The following TRPV6 variants were observed in gnomAD, a reference collection of about 807,000 sequenced individuals.
TRPV6 encodes the protein transient receptor potential cation channel subfamily V member 6.
In TRPV6, 39 loss-of-function variants were observed where a neutral mutation model predicts 79.0. The observed-to-expected ratio is 0.49, with a 90% CI of 0.38 to 0.64. The LOEUF (loss-of-function observed/expected upper bound fraction) is 0.64. TRPV6 is among the 30% of genes least tolerant of loss of function. The pLI is 0.00. For missense variants in TRPV6, 813 were observed against 1,011.1 expected, an observed-to-expected ratio of 0.80 and a Z score of 2.66; for synonymous variants, 373 against 391.9, an observed-to-expected ratio of 0.95 and a Z score of 0.57.
chr7:142,878,269 C>G (rs4987648), intron 1 of TRPV6: 492,385 of 570,550 alleles, frequency 0.86, 218,259 homozygotes, highest in East Asian at 0.98. Context: ...TTCCTTCCCC[C>G]CTACCGGGTC....
intron 4 of TRPV6, 104 bp downstream of exon 4, chr7:142,877,038 T>C: frequency 4.0e-6 from 6 of 1,486,432 alleles, no homozygotes; most frequent in Non-Finnish European, 5.4e-6. Flanking sequence ...TCCTCCCAGC[T>C]GCCCAACAGA....
chr7:142,877,487 A>C, intron 3 of TRPV6, 164 bp downstream of exon 3: 2 of 1,443,428 alleles, frequency 1.4e-6, no homozygotes, highest in Non-Finnish European at 1.9e-6. Context: ...CAGGCGTTCT[A>C]GTGATGGGCA....
At chr7:142,880,878 A>T (rs1795178775) in intron 1 of TRPV6, 2 of 152,136 alleles carry the variant, frequency 1.3e-5, no homozygotes, top group Admixed American at 1.3e-4. Flanking sequence ...CTCAAATTTA[A>T]ATTGAACTGA....
rs189078138 is a variant in TRPV6, at chr7:142,885,559, G to A, written c.78C>T (p.Val26=). ...CCTTGGGGGCCTGAGGCCGAGGCCA[G>A]ACCCTGACGGGACTCAGCCTTGGGG... The change falls in exon 1 of 15, where the codon GTC becomes GTT. Residue 26 remains valine (V), a synonymous_variant. Coordinates refer to ENST00000359396, the MANE Select transcript of TRPV6 (RefSeq NM_018646.6). The A allele has an allele frequency of 2.5e-4, 395 of 1,562,288 alleles. No homozygotes were observed. The highest frequency in any genetic ancestry group is 3.6e-4 in the Middle Eastern group (2 of 5,596).
chr7:142,872,007 A>G lies in TRPV6; in HGVS notation c.2016-18T>C. The stretch of plus-strand genomic sequence containing the variant: ...CTTCCACCCTGTGGAATGCGGGAGG[A>G]CTTGAGACACAGCCAGGACTTGAAG... On this transcript the variant is annotated intron_variant, in intron 14 of 14. Coordinates refer to ENST00000359396, the MANE Select transcript of TRPV6 (RefSeq NM_018646.6). 6.4e-7 allele frequency: 1 copy of G among 1,562,662 alleles called. No individual in the cohort carries two copies. The highest frequency in any genetic ancestry group is 8.7e-7 in the Non-Finnish European group (1 of 1,153,346).
At position 142,885,574 on chromosome 7, in the gene TRPV6, CA is replaced by C; in HGVS notation, c.62del (p.Leu21ArgfsTer31). 1.3e-6 allele frequency: 2 copies of C among 1,541,028 alleles called. No homozygotes were observed. The highest frequency in any genetic ancestry group is 4.6e-5 in the East Asian group (2 of 43,168). On this transcript the variant is annotated frameshift_variant, in exon 1 of 15. Coordinates refer to ENST00000359396, the MANE Select transcript of TRPV6 (RefSeq NM_018646.6). LOFTEE classifies it high-confidence loss of function. Reference sequence around the variant, plus strand: ...GCCGAGGCCAGACCCTGACGGGACTCAGCCTTGGGGCCACATCAGCCCCCCC... The same window carrying C: ...GCCGAGGCCAGACCCTGACGGGACTCGCCTTGGGGCCACATCAGCCCCCCC...
In TRPV6 at chr7:142,873,231, A is replaced by T. The variant is rs1307195000; in HGVS notation, c.1908+217T>A. Among the ~76,000 whole-genome samples the T allele has an allele frequency of 1.4e-5, 2 of 147,712 alleles. No homozygotes were observed. The highest frequency in any genetic ancestry group is 2.9e-5 in the Non-Finnish European group (2 of 67,942). On this transcript the variant is annotated intron_variant, in intron 13 of 14. Coordinates refer to ENST00000359396, the MANE Select transcript of TRPV6 (RefSeq NM_018646.6). The surrounding 1 kb of genome is among the most constrained non-coding windows in gnomAD (Gnocchi z 4.8). Reference sequence around the variant, plus strand: ...TCCTCTAGAAAACACTGAGCTTTTAACTGTTGAGAAAACTGTGAGGCATTC... The same window carrying T: ...TCCTCTAGAAAACACTGAGCTTTTATCTGTTGAGAAAACTGTGAGGCATTC...
chr7:142,879,398 A>G (rs1192630366), intron 1 of TRPV6: 1 of 152,184 alleles, frequency 6.6e-6, no homozygotes, highest in East Asian at 1.9e-4. Context: ...ACTTACCCCA[A>G]CTAAGACACA....
rs151152661 is a variant in TRPV6 at position 142,872,478 on chromosome 7, T to C, written c.1909A>G (p.Ile637Val). ...TCCAGCATCACTGTGGTGGCCACAA[T>C]CTGCGTATGGGAACAAAAGGAGAAG... is the stretch of plus-strand genomic sequence containing the variant. Residue 637 changes from isoleucine to valine, a missense_variant and splice_region_variant, in exon 14 of 15, where the codon ATT becomes GTT. Physicochemically the swap from Ile to Val is conservative, Grantham distance 29. Around this residue, in one of 3 missense-constraint regions of TRPV6, gnomAD observed 164 missense variants for 186.1 expected, o/e 0.88. Transcript: ENST00000359396. 2.4e-4 allele frequency: 381 copies of C among 1,612,322 alleles called. 3 individuals are homozygous for C. The African/African-American group carries it at 4.7e-3, about 20-fold the overall frequency.
intron 1 of TRPV6, chr7:142,880,745 G>A (rs1467900635): frequency 6.6e-6 from 1 of 152,202 alleles, no homozygotes; most frequent in African/African-American, 2.4e-5. Context: ...AGTTGCTAGA[G>A]TTACCAAATA....
intron 1 of TRPV6, chr7:142,883,072 T>C (rs1003745791): frequency 6.6e-6 from 1 of 152,148 alleles, no homozygotes; most frequent in Non-Finnish European, 1.5e-5. Flanking sequence ...TAAACTTTGG[T>C]CATAGGAATG....
Position 142,875,620 on chromosome 7 carries a change from A to G in TRPV6, c.1090T>C (p.Tyr364His). ...AGCATGCAGAAGTACGGCCGCCCGT[A>G]CCGCTTCCACTTGAGGCTCACCAGC... Residue 364 changes from tyrosine to histidine, a missense_variant, in exon 8 of 15, where the codon TAC becomes CAC. By Grantham distance (83) the Tyr-to-His change is moderately conservative. Coordinates refer to ENST00000359396, the MANE Select transcript of TRPV6 (RefSeq NM_018646.6). 6.2e-7 allele frequency: 1 copy of G among 1,613,742 alleles called. No individual in the cohort carries two copies. The highest frequency in any genetic ancestry group is 1.3e-5 in the African/African-American group (1 of 74,932).
In TRPV6 at chr7:142,872,492, CAAAAGG is replaced by C; in HGVS notation, c.1909-20_1909-15del. 1.2e-6 allele frequency: 2 copies of C among 1,608,182 alleles called. No homozygotes were observed. Among genetic ancestry groups the C allele is most frequent in the Non-Finnish European group, 1.7e-6 (2 of 1,177,172 alleles). ...GGTGGCCACAATCTGCGTATGGGAA[CAAAAGG>C]AGAAGTCAGAGATGAGGCTGGGCGC... On this transcript the variant is annotated splice_polypyrimidine_tract_variant and intron_variant, in intron 13 of 14. Transcript: ENST00000359396.
chr7:142,873,370 C>G lies in TRPV6; in HGVS notation c.1908+78G>C. Reference sequence around the variant, plus strand: ...CCAAACATAAGTGGGGTGGAGATATCCTGTCTCTCAGCTTGGCAGGTTCCT... The same window carrying G: ...CCAAACATAAGTGGGGTGGAGATATGCTGTCTCTCAGCTTGGCAGGTTCCT... On this transcript the variant is annotated intron_variant, in intron 13 of 14. Coordinates refer to ENST00000359396, the MANE Select transcript of TRPV6 (RefSeq NM_018646.6). The surrounding 1 kb of genome is among the most constrained non-coding windows in gnomAD (Gnocchi z 4.8). 1 of 1,570,874 alleles carries G rather than the reference C, an allele frequency of 6.4e-7. No homozygotes were observed. The highest frequency in any genetic ancestry group is 1.2e-5 in the South Asian group (1 of 86,652).
At chr7:142,874,838 G>T in intron 10 of TRPV6, 66 bp downstream of exon 10, 1 of 1,601,676 alleles carries the variant, frequency 6.2e-7, no homozygotes, top group Non-Finnish European at 8.6e-7. Context: ...GAGAGGTCAG[G>T]AATCCAAGGA....
rs1448870485 is a variant in TRPV6, at chr7:142,877,648, C to T, written c.469+3G>A. Reference sequence around the variant, plus strand: ...TCTTCACCCCAGACCCGTGGGCCCTCACCCTCATAGAGCTCAGATGTCATG... The same window carrying T: ...TCTTCACCCCAGACCCGTGGGCCCTTACCCTCATAGAGCTCAGATGTCATG... On this transcript the variant is annotated splice_donor_region_variant and intron_variant, in intron 3 of 14. Coordinates refer to ENST00000359396, the MANE Select transcript of TRPV6 (RefSeq NM_018646.6). The T allele has an allele frequency of 1.9e-6, 3 of 1,613,988 alleles. No homozygotes were observed. Among genetic ancestry groups the T allele is most frequent in the Non-Finnish European group, 2.5e-6 (3 of 1,179,934 alleles).
chr7:142,871,495 C>T lies in TRPV6; in HGVS notation c.*212G>A, dbSNP rs1191217927. 5.0e-6 allele frequency: 3 copies of T among 595,650 alleles called. No homozygotes were observed. Among genetic ancestry groups the T allele is most frequent in the Non-Finnish European group, 5.7e-6 (2 of 348,294 alleles). The allele number at this position is 595,650 out of a possible 1,614,324, so 36.9% of individuals were successfully genotyped here. A position where few individuals can be genotyped will look rare whatever the true frequency, so the allele number is the denominator to read the frequency against. ...AGAGTTCCTCACGCCCTGCCAGCCC[C>T]GTGCTTGGGCTGGGCTTCCTCTGCC... On this transcript the variant is annotated 3_prime_UTR_variant, in exon 15 of 15. Transcript: ENST00000359396.
chr7:142,875,537 G>A lies in TRPV6; in HGVS notation c.1173C>T (p.Pro391=). The change falls in exon 8 of 15, where the codon CCC becomes CCT. Residue 391 remains proline, a synonymous_variant. Coordinates refer to ENST00000359396, the MANE Select transcript of TRPV6 (RefSeq NM_018646.6). ...TGCGGTTATTGGTCCTGGGCTTGAGGGGGCGGTAGATGCAGCACATGGTGA... is the reference window on the plus strand; with the variant it reads ...TGCGGTTATTGGTCCTGGGCTTGAGAGGGCGGTAGATGCAGCACATGGTGA... 1.9e-6 allele frequency: 3 copies of A among 1,612,318 alleles called. No homozygotes were observed. The highest frequency in any genetic ancestry group is 2.5e-6 in the Non-Finnish European group (3 of 1,179,778).
At position 142,875,177 on chromosome 7, in the gene TRPV6, A is replaced by G; in HGVS notation, c.1243-13T>C. 2.5e-6 allele frequency: 4 copies of G among 1,613,782 alleles called. No homozygotes were observed. The South Asian group carries it at 3.3e-5, about 13-fold the overall frequency. On this transcript the variant is annotated splice_polypyrimidine_tract_variant and intron_variant, in intron 8 of 14. Coordinates refer to ENST00000359396, the MANE Select transcript of TRPV6 (RefSeq NM_018646.6). The stretch of plus-strand genomic sequence containing the variant: ...TCATGTAGGCTTCCTAATGGGGGAG[A>G]AGAACAGTCAAAATGCTCAGGGCTT...
Sources: gnomAD v4.1 joint callset for allele counts (sites outside exome capture counted in the v4.1 genomes callset) on GRCh38, gnomAD v4.1.1 for gene constraint, gnomAD v4.1.1 regional missense constraint, Gnocchi (gnomAD v3.1) non-coding constraint, MANE v1.5 for transcripts, NCBI Gene and HGNC (gene_info 2026-07-23, HGNC 2026-07-21) for gene names.